The following SUSD4 variants were observed in gnomAD, a reference collection of about 807,000 sequenced individuals.
SUSD4 encodes the protein sushi domain-containing protein 4.
SUSD4 carries 41 observed loss-of-function variants against 50.5 expected under a neutral mutation model. The ratio of observed to expected loss-of-function variants is 0.81; its 90% CI spans 0.63 to 1.05. SUSD4 has a LOEUF of 1.05. SUSD4 is among the 50% of genes least tolerant of loss of function. The pLI is 0.00. For synonymous variants in SUSD4, 257 were observed against 257.3 expected (o/e 1.00, Z 0.01); for missense variants, 580 against 634.7 (o/e 0.91, Z 0.93).
chr1:223,284,331 G>T (rs2103125398), intron 3 of SUSD4, among the ~76,000 whole-genome samples: 1 of 152,272 alleles, frequency 6.6e-6, no homozygotes, highest in African/African-American at 2.4e-5. Flanking sequence ...TGTGTCACCT[G>T]CCTTCCCTCC....
intron 2 of SUSD4, among the ~76,000 whole-genome samples, chr1:223,300,992 C>A (rs565306120): frequency 1.3e-5 from 2 of 152,282 alleles, no homozygotes; most frequent in Middle Eastern, 3.4e-3. Context: ...ACTGAAAAAT[C>A]ACTCTAACAG....
chr1:223,352,624 C>T (rs897714033), intron 2 of SUSD4, among the ~76,000 whole-genome samples: 3 of 152,256 alleles, frequency 2.0e-5, no homozygotes, highest in East Asian at 3.9e-4. Flanking sequence ...GATTTCCAGG[C>T]ATTCCTGCAA....
In SUSD4 at chr1:223,363,155, G is replaced by A. The variant is rs974119102; in HGVS notation, c.148+123C>T. On this transcript the variant is annotated intron_variant, in intron 2 of 8. Transcript: ENST00000366878. ...CATAGGCTGGGACGCAGGCACCCTC[G>A]CGTTGTCAGATCCTCCTGAAGTCTG... 3.4e-6 allele frequency: 4 copies of A among 1,189,386 alleles called. No homozygotes were observed. The East Asian group carries it at 1.2e-4, about 35-fold the overall frequency. The allele number at this position is 1,189,386 out of a possible 1,614,324, so 73.7% of individuals were successfully genotyped here. A position where few individuals can be genotyped will look rare whatever the true frequency, so the allele number is the denominator to read the frequency against.
intron 3 of SUSD4, among the ~76,000 whole-genome samples, chr1:223,272,725 G>A (rs538094972): frequency 1.8e-4 from 28 of 152,196 alleles, no homozygotes; most frequent in African/African-American, 6.7e-4. Flanking sequence ...AGGCTCGAAC[G>A]GTCTTACTGT....
At chr1:223,290,453 T>C (rs1328695593) in intron 3 of SUSD4, among the ~76,000 whole-genome samples, 4 of 152,198 alleles carry the variant, frequency 2.6e-5, no homozygotes, top group African/African-American at 9.7e-5. Context: ...AAATTAAAAA[T>C]AAATACACCA....
chr1:223,240,344 C>T (rs1397014260), intron 5 of SUSD4, among the ~76,000 whole-genome samples: 1 of 152,128 alleles, frequency 6.6e-6, no homozygotes, highest in Non-Finnish European at 1.5e-5. Flanking sequence ...TGGTGTCTGA[C>T]ATCAATTTGA....
At chr1:223,340,324 T>C (rs1667684900) in intron 2 of SUSD4, among the ~76,000 whole-genome samples, 1 of 152,208 alleles carries the variant, frequency 6.6e-6, no homozygotes, top group Non-Finnish European at 1.5e-5. Context: ...GGCCTGTCCA[T>C]TCTTCTGAGG....
At chr1:223,262,675 T>G (rs1662204886) in intron 5 of SUSD4, among the ~76,000 whole-genome samples, 1 of 152,222 alleles carries the variant, frequency 6.6e-6, no homozygotes, top group South Asian at 2.1e-4. Context: ...CCTCTGTGCC[T>G]CTCAGTTTAG....
rs559958686 is a variant in SUSD4 at position 223,275,296 on chromosome 1, G to T, written c.362-6621C>A. Among the ~76,000 whole-genome samples, 6 of 152,218 alleles carry T rather than the reference G, an allele frequency of 3.9e-5. No homozygotes were observed. In the South Asian group the frequency reaches 1.2e-3, roughly 32 times the overall value. Reference sequence around the variant, plus strand: ...GTTATGTAGGTTGTTGGAAAAACTGGGTTTGATTCAGAGTTTTGTCCTAGA... The same window carrying T: ...GTTATGTAGGTTGTTGGAAAAACTGTGTTTGATTCAGAGTTTTGTCCTAGA... On this transcript the variant is annotated intron_variant, in intron 3 of 8. Coordinates refer to ENST00000366878, the MANE Select transcript of SUSD4 (RefSeq NM_017982.4).
chr1:223,291,417 G>C (rs825121), intron 3 of SUSD4, among the ~76,000 whole-genome samples: 1 of 147,160 alleles, frequency 6.8e-6, no homozygotes, highest in South Asian at 2.2e-4. Context: ...CACTTGAGCC[G>C]AGTGGAGGTT....
chr1:223,340,967 G>C (rs1452104059), intron 2 of SUSD4, among the ~76,000 whole-genome samples: 1 of 152,196 alleles, frequency 6.6e-6, no homozygotes. Flanking sequence ...GTTAGGTGCC[G>C]ATTGTTCTAA....
intron 3 of SUSD4, among the ~76,000 whole-genome samples, chr1:223,281,571 G>A (rs1262657528): frequency 1.3e-5 from 2 of 152,154 alleles, no homozygotes; most frequent in Non-Finnish European, 2.9e-5. Context: ...ACCAATAACA[G>A]GCTCTGAAAT....
At chr1:223,260,144 G>A (rs916044393) in intron 5 of SUSD4, among the ~76,000 whole-genome samples, 11 of 152,314 alleles carry the variant, frequency 7.2e-5, no homozygotes, top group Middle Eastern at 6.8e-3. Flanking sequence ...AAGCCCCCGT[G>A]TGCCCTTTGG....
chr1:223,295,759 G>A (rs1301233643), intron 2 of SUSD4, among the ~76,000 whole-genome samples: 3 of 151,920 alleles, frequency 2.0e-5, no homozygotes, highest in African/African-American at 7.3e-5. Flanking sequence ...GTGGGAGAGA[G>A]GGGCATGGGT....
intron 2 of SUSD4, among the ~76,000 whole-genome samples, chr1:223,355,655 T>C (rs1456569629): frequency 6.6e-6 from 1 of 152,202 alleles, no homozygotes; most frequent in East Asian, 1.9e-4. Context: ...AAAAGGAATA[T>C]AATGCATGAG....
At chr1:223,299,575 C>A (rs529980092) in intron 2 of SUSD4, among the ~76,000 whole-genome samples, 45 of 152,210 alleles carry the variant, frequency 3.0e-4, no homozygotes, top group Non-Finnish European at 4.7e-4. Flanking sequence ...ATTTTATATG[C>A]CAGTTTGACT....
intron 2 of SUSD4, among the ~76,000 whole-genome samples, chr1:223,334,623 C>T (rs7536652): frequency 0.33 from 50,474 of 151,930 alleles, 8,470 homozygotes; most frequent in African/African-American, 0.4. Context: ...TGACATCATA[C>T]TTCTTATTAG....
In SUSD4 at chr1:223,229,339, C is replaced by T. The variant is rs150564478; in HGVS notation, c.774G>A (p.Pro258=). The T allele has an allele frequency of 8.8e-4, 1,414 of 1,607,628 alleles. 12 individuals are homozygous for T. In the African/African-American group the frequency reaches 0.014, roughly 15 times the overall value. ...MVSHGDFVCH[P]RPCERYNHGT... is the part of the protein sequence containing the mutation. ...CGTGGTTGTAGCGCTCACAAGGCCG[C>T]GGGTGGCAGACGAAATCTCCGTGAC... is the stretch of plus-strand genomic sequence containing the variant. The change falls in exon 6 of 9, where the codon CCG becomes CCA. Residue 258 remains proline, a synonymous_variant. Transcript: ENST00000366878. This position sits in a 1 kb window ranked among gnomAD's most constrained non-coding sequence, Gnocchi z 4.7.
chr1:223,237,871 G>A (rs1050632946), intron 5 of SUSD4, among the ~76,000 whole-genome samples: 4 of 151,980 alleles, frequency 2.6e-5, no homozygotes, highest in Non-Finnish European at 4.4e-5. Flanking sequence ...AAATGAGTCA[G>A]GAAGTATTCC....
Sources: allele counts gnomAD v4.1 joint callset (sites outside exome capture counted in the v4.1 genomes callset), GRCh38; gene constraint gnomAD v4.1.1; non-coding constraint Gnocchi (gnomAD v3.1); transcripts MANE v1.5; gene names NCBI Gene and HGNC (gene_info 2026-07-23, HGNC 2026-07-21).